The following AGPS variants were observed in gnomAD, a reference collection of about 807,000 sequenced individuals.
The protein encoded by AGPS is alkylglycerone phosphate synthase, also known as alkyldihydroxyacetonephosphate synthase, peroxisomal.
AGPS carries 26 observed loss-of-function variants against 90.7 expected under a neutral mutation model. The observed-to-expected ratio is 0.29, with a 90% CI of 0.21 to 0.40. The LOEUF (loss-of-function observed/expected upper bound fraction) is 0.40. Among genes scored for constraint, AGPS ranks in the 10% least tolerant of loss-of-function variants. The pLI is 1.00. For synonymous variants in AGPS, 294 were observed against 285.3 expected (o/e 1.03, Z -0.31); for missense variants, 540 against 816.1 (o/e 0.66, Z 4.12).
intron 6 of AGPS, chr2:177,441,337 G>T: frequency 3.5e-6 from 1 of 285,060 alleles, no homozygotes. Flanking sequence ...GTATATTTAT[G>T]GAGAGAATTT....
chr2:177,449,386 A>T lies in AGPS; in HGVS notation c.870+3760A>T, dbSNP rs529861797. ...GCTAGTCTTTTTAATTTTAGTCTAA[A>T]CTTTAGTAGGTACATAGTAGTATCT... On this transcript the variant is annotated intron_variant, in intron 8 of 19. Coordinates refer to ENST00000264167, the MANE Select transcript of AGPS (RefSeq NM_003659.4). 2.0e-5 allele frequency among the ~76,000 whole-genome samples: 3 copies of T among 152,180 alleles called. No individual in the cohort carries two copies. In the South Asian group the frequency reaches 6.2e-4, roughly 32 times the overall value.
chr2:177,463,158 G>C (rs1687350151), intron 9 of AGPS, among the ~76,000 whole-genome samples: 1 of 152,210 alleles, frequency 6.6e-6, no homozygotes, highest in Admixed American at 6.5e-5. Flanking sequence ...TTTGCTGGGA[G>C]TTAGTATAAT....
rs563657980 is a variant in AGPS at position 177,480,251 on chromosome 2, C to T, written c.1106-1808C>T. Among the ~76,000 whole-genome samples the T allele has an allele frequency of 2.6e-4, 39 of 152,240 alleles. 1 individual carries two copies. The highest frequency in any genetic ancestry group is 1.5e-3 in the South Asian group (7 of 4,806). ...GGTATATACCCAAAGGATTATAAATCGTGCTGCTATAAAGACACATGCACA... is the reference window on the plus strand; with the variant it reads ...GGTATATACCCAAAGGATTATAAATTGTGCTGCTATAAAGACACATGCACA... On this transcript the variant is annotated intron_variant, in intron 10 of 19. Coordinates refer to ENST00000264167, the MANE Select transcript of AGPS (RefSeq NM_003659.4).
chr2:177,457,387 A>G (rs537992204), intron 8 of AGPS, among the ~76,000 whole-genome samples: 21 of 152,318 alleles, frequency 1.4e-4, no homozygotes, highest in African/African-American at 4.8e-4. Flanking sequence ...TCAAAAAATC[A>G]GTGAATCCAG....
chr2:177,509,885 T>A (rs990867734), intron 16 of AGPS, among the ~76,000 whole-genome samples: 4 of 152,182 alleles, frequency 2.6e-5, no homozygotes, highest in Admixed American at 2.6e-4. Flanking sequence ...CTTGTTTTTT[T>A]CCACAGGACT....
chr2:177,450,123 C>T (rs1219461661), intron 8 of AGPS, among the ~76,000 whole-genome samples: 18 of 152,144 alleles, frequency 1.2e-4, no homozygotes, highest in Admixed American at 1.2e-3. Flanking sequence ...AGGTGTCAGC[C>T]ACCACGCCCA....
At chr2:177,458,597 C>A (rs1173750392) in intron 8 of AGPS, among the ~76,000 whole-genome samples, 1 of 152,042 alleles carries the variant, frequency 6.6e-6, no homozygotes, top group Non-Finnish European at 1.5e-5. Context: ...GAATAAAATA[C>A]CTAGGAATCC....
intron 8 of AGPS, among the ~76,000 whole-genome samples, chr2:177,457,919 C>A (rs1275807348): frequency 1.3e-5 from 2 of 152,142 alleles, no homozygotes; most frequent in African/African-American, 2.4e-5. Context: ...CGATGAACAT[C>A]GATGCGAAAA....
At chr2:177,434,848 G>A (rs1163301758) in intron 3 of AGPS, among the ~76,000 whole-genome samples, 1 of 151,592 alleles carries the variant, frequency 6.6e-6, no homozygotes, top group Non-Finnish European at 1.5e-5. Flanking sequence ...AAATAAAAAT[G>A]TAAAATCACA....
chr2:177,439,828 T>C (rs1474807141), intron 5 of AGPS, among the ~76,000 whole-genome samples: 1 of 152,116 alleles, frequency 6.6e-6, no homozygotes, highest in African/African-American at 2.4e-5. Flanking sequence ...TCTAAAACAA[T>C]CTCTTTGCCA....
chr2:177,431,489 C>T (rs1686242122), intron 2 of AGPS, among the ~76,000 whole-genome samples: 1 of 152,126 alleles, frequency 6.6e-6, no homozygotes, highest in East Asian at 1.9e-4. Flanking sequence ...CTTTTCCCCA[C>T]CCTAATAAGC....
chr2:177,471,742 C>T (rs747889249), intron 10 of AGPS, among the ~76,000 whole-genome samples: 1 of 152,080 alleles, frequency 6.6e-6, no homozygotes, highest in Non-Finnish European at 1.5e-5. Context: ...TTATATATCC[C>T]CAGAGTTCTG....
chr2:177,505,698 AT>A, intron 15 of AGPS, 123 bp downstream of exon 15: 1 of 822,412 alleles, frequency 1.2e-6, no homozygotes, highest in Admixed American at 2.0e-5. Context: ...AATTTAGCAT[AT>A]CATTTTACAT....
At chr2:177,418,081 CT>C (rs1193888662) in intron 1 of AGPS, among the ~76,000 whole-genome samples, 3 of 152,078 alleles carry the variant, frequency 2.0e-5, no homozygotes, top group Admixed American at 2.0e-4. Flanking sequence ...CTACATTCAA[CT>C]TCTGAGAAGA....
chr2:177,519,047 C>G (rs1435765990), intron 17 of AGPS, among the ~76,000 whole-genome samples: 1 of 152,158 alleles, frequency 6.6e-6, no homozygotes, highest in Non-Finnish European at 1.5e-5. Flanking sequence ...TCTCCTCAAG[C>G]TTTCACAGCA....
At chr2:177,520,027 C>T (rs775876100) in intron 17 of AGPS, among the ~76,000 whole-genome samples, 1 of 152,200 alleles carries the variant, frequency 6.6e-6, no homozygotes, top group Non-Finnish European at 1.5e-5. Flanking sequence ...TGTAAACTGA[C>T]ATGGCACTGG....
rs186008727 is a variant in AGPS, at chr2:177,435,797, C to T, written c.442-967C>T. ...CCGTAGCAGATTTTACTTGGCCAGC[C>T]GTTTATAGACTTCTTCCTATATTCT... On this transcript the variant is annotated intron_variant, in intron 3 of 19. Coordinates refer to ENST00000264167, the MANE Select transcript of AGPS (RefSeq NM_003659.4). Among the ~76,000 whole-genome samples, 295 of 152,244 alleles carry T rather than the reference C, an allele frequency of 1.9e-3. 1 individual carries two copies. Among genetic ancestry groups the T allele is most frequent in the African/African-American group, 6.7e-3 (277 of 41,550 alleles).
chr2:177,497,649 A>G (rs756379309), intron 12 of AGPS, 40 bp from the exon 13 acceptor site: 2 of 1,194,758 alleles, frequency 1.7e-6, no homozygotes, highest in South Asian at 1.6e-5. Context: ...TCTGAAAAAC[A>G]TAGACTAACC....
intron 14 of AGPS, among the ~76,000 whole-genome samples, chr2:177,505,024 A>G (rs1439561662): frequency 1.3e-5 from 2 of 152,034 alleles, no homozygotes; most frequent in East Asian, 1.9e-4. Flanking sequence ...ACATTGCTTT[A>G]TAAAATATTT....
Sources: allele counts gnomAD v4.1 joint callset (sites outside exome capture counted in the v4.1 genomes callset), GRCh38; gene constraint gnomAD v4.1.1; transcripts MANE v1.5; gene names NCBI Gene and HGNC (gene_info 2026-07-23, HGNC 2026-07-21).